ULK4: variants seen among roughly 807,000 people sequenced by gnomAD.
The protein encoded by ULK4 is unc-51 like kinase 4.
In ULK4, 133 loss-of-function variants were observed where a neutral mutation model predicts 160.6. The observed-to-expected ratio is 0.83, with a 90% CI of 0.72 to 0.96. The LOEUF is 0.96. Ranked by LOEUF, ULK4 falls within the 40% of genes least tolerant of loss-of-function variation. The pLI is 0.00. For synonymous variants in ULK4, 534 were observed against 539.8 expected (o/e 0.99, Z 0.15); for missense variants, 1,580 against 1,499.5 (o/e 1.05, Z -0.89).
chr3:41,473,070 ACT>A (rs1273827607), intron 32 of ULK4, among the ~76,000 whole-genome samples: 2 of 152,154 alleles, frequency 1.3e-5, no homozygotes, highest in East Asian at 3.8e-4. Flanking sequence ...ATGATTAAAA[ACT>A]CTCAACAAAT....
At chr3:41,268,028 C>T (rs1052277422) in intron 35 of ULK4, among the ~76,000 whole-genome samples, 2 of 152,156 alleles carry the variant, frequency 1.3e-5, no homozygotes, top group African/African-American at 4.8e-5. Context: ...GATTTTGACC[C>T]CCAGGAGACA....
intron 30 of ULK4, among the ~76,000 whole-genome samples, chr3:41,642,080 G>C (rs1038568713): frequency 6.7e-6 from 1 of 150,048 alleles, no homozygotes; most frequent in Non-Finnish European, 1.5e-5. Context: ...CTTCATGTTG[G>C]TCAGGCTGGT....
At chr3:41,651,728 A>T (rs1375725836) in intron 30 of ULK4, among the ~76,000 whole-genome samples, 1 of 152,232 alleles carries the variant, frequency 6.6e-6, no homozygotes, top group Non-Finnish European at 1.5e-5. Context: ...AGAAAATGTT[A>T]GGTAGCATTC....
chr3:41,904,528 T>G (rs1473559199), intron 12 of ULK4, among the ~76,000 whole-genome samples: 1 of 152,210 alleles, frequency 6.6e-6, no homozygotes, highest in Non-Finnish European at 1.5e-5. Flanking sequence ...ATAGAATGAT[T>G]ATATACTCTT....
chr3:41,930,314 C>A (rs1009315429), intron 5 of ULK4, among the ~76,000 whole-genome samples: 34 of 152,008 alleles, frequency 2.2e-4, no homozygotes, highest in African/African-American at 8.0e-4. Context: ...GGACCCCTTC[C>A]TTATACTCTA....
At chr3:41,424,653 A>T (rs959573854) in intron 34 of ULK4, among the ~76,000 whole-genome samples, 1 of 152,132 alleles carries the variant, frequency 6.6e-6, no homozygotes, top group Non-Finnish European at 1.5e-5. Flanking sequence ...TCTGGAGTGG[A>T]CACCCAGCAA....
At chr3:41,350,804 CT>C (rs1487002342) in intron 35 of ULK4, among the ~76,000 whole-genome samples, 1 of 152,162 alleles carries the variant, frequency 6.6e-6, no homozygotes, top group Non-Finnish European at 1.5e-5. Context: ...GTGCAGATTT[CT>C]TTTTGGAGAG....
intron 22 of ULK4, among the ~76,000 whole-genome samples, chr3:41,731,885 G>A (rs955880463): frequency 6.6e-6 from 1 of 152,046 alleles, no homozygotes; most frequent in Non-Finnish European, 1.5e-5. Context: ...TTGGGGAGAT[G>A]GCAATCTCTT....
intron 35 of ULK4, among the ~76,000 whole-genome samples, chr3:41,314,195 G>A (rs1206153079): frequency 6.6e-6 from 1 of 152,148 alleles, no homozygotes; most frequent in Non-Finnish European, 1.5e-5. Flanking sequence ...CCATTGGGTT[G>A]TTTTAAATAT....
At chr3:41,734,790 A>G (rs2037969862) in intron 22 of ULK4, among the ~76,000 whole-genome samples, 1 of 152,192 alleles carries the variant, frequency 6.6e-6, no homozygotes, top group African/African-American at 2.4e-5. Flanking sequence ...AGCCCTAAAA[A>G]CAGGAAATTG....
At chr3:41,408,716 A>G (rs78324692) in intron 34 of ULK4, among the ~76,000 whole-genome samples, 4,250 of 152,224 alleles carry the variant, frequency 0.028, 189 homozygotes, top group African/African-American at 0.095. Flanking sequence ...AAAATTTACT[A>G]CAAAGCAACA....
intron 32 of ULK4, among the ~76,000 whole-genome samples, chr3:41,509,216 G>A (rs983573258): frequency 2.0e-5 from 3 of 151,864 alleles, no homozygotes; most frequent in Non-Finnish European, 4.4e-5. Context: ...ACAAGCAGAA[G>A]AAAGAATTTT....
At chr3:41,688,345 G>C (rs2036167591) in intron 27 of ULK4, among the ~76,000 whole-genome samples, 1 of 152,134 alleles carries the variant, frequency 6.6e-6, no homozygotes, top group South Asian at 2.1e-4. Context: ...CTTGAGCCCA[G>C]GAGTTTGAGA....
chr3:41,597,213 T>A (rs1434984382), intron 31 of ULK4, among the ~76,000 whole-genome samples: 3 of 152,272 alleles, frequency 2.0e-5, no homozygotes, highest in African/African-American at 7.2e-5. Flanking sequence ...TCCTTGTGTG[T>A]CAACCATAGA....
chr3:41,429,762 G>A (rs2082861194), intron 34 of ULK4, among the ~76,000 whole-genome samples: 1 of 151,876 alleles, frequency 6.6e-6, no homozygotes, highest in African/African-American at 2.4e-5. Context: ...ATGGGGGGAG[G>A]GAGAGCACCA....
At chr3:41,425,615 C>A (rs189007151) in intron 34 of ULK4, among the ~76,000 whole-genome samples, 121 of 152,212 alleles carry the variant, frequency 7.9e-4, no homozygotes, top group African/African-American at 2.8e-3. Context: ...AGACTGGGGG[C>A]CAATATTCAA....
In ULK4 at chr3:41,774,061, A is replaced by C. The variant is rs560133446; in HGVS notation, c.2193+15600T>G. On this transcript the variant is annotated intron_variant, in intron 21 of 36. Transcript: ENST00000301831. ...TGGATCCCTTCCTTACACCTTATAC[A>C]AAAATCAATTCAAGATGGATTAAAG... Among the ~76,000 whole-genome samples, 10 of 152,324 alleles carry C rather than the reference A, an allele frequency of 6.6e-5. No individual in the cohort carries two copies. In the South Asian group the frequency reaches 2.1e-3, roughly 32 times the overall value.
At chr3:41,327,182 A>G (rs2080354312) in intron 35 of ULK4, among the ~76,000 whole-genome samples, 1 of 152,172 alleles carries the variant, frequency 6.6e-6, no homozygotes, top group African/African-American at 2.4e-5. Context: ...AGGAGGGGGA[A>G]AAAAGGATGA....
At chr3:41,871,047 C>T (rs763114540) in intron 17 of ULK4, among the ~76,000 whole-genome samples, 2 of 152,148 alleles carry the variant, frequency 1.3e-5, no homozygotes, top group Admixed American at 1.3e-4. Context: ...TAAAGAGGTG[C>T]CTTCTGCCAT....
Sources: allele counts gnomAD v4.1 joint callset (sites outside exome capture counted in the v4.1 genomes callset), GRCh38; gene constraint gnomAD v4.1.1; transcripts MANE v1.5; gene names NCBI Gene and HGNC (gene_info 2026-07-23, HGNC 2026-07-21).